The following PKHD1 variants were observed in gnomAD, a reference collection of about 807,000 sequenced individuals.
PKHD1 encodes PKHD1 ciliary IPT domain containing fibrocystin/polyductin.
In PKHD1, 291 loss-of-function variants were observed where a neutral mutation model predicts 412.0. The observed-to-expected ratio is 0.71, with a 90% confidence interval of 0.64 to 0.78. The LOEUF (loss-of-function observed/expected upper bound fraction) is 0.78. Ranked by LOEUF, PKHD1 falls within the 30% of genes least tolerant of loss-of-function variation. PKHD1 has a pLI of 0.00. For synonymous variants in PKHD1, 1,777 were observed against 1,821.5 expected (o/e 0.98, Z 0.62); for missense variants, 4,825 against 4,950.7 (o/e 0.97, Z 0.76).
intron 66 of PKHD1, among the ~76,000 whole-genome samples, chr6:51,623,838 C>A (rs374461508): frequency 6.6e-6 from 1 of 152,260 alleles, no homozygotes; most frequent in East Asian, 1.9e-4. Context: ...CTGTCCACTT[C>A]GGCCTCCCAA....
chr6:51,981,716 T>C (rs1795339683), intron 35 of PKHD1, among the ~76,000 whole-genome samples: 1 of 143,298 alleles, frequency 7.0e-6, no homozygotes, highest in African/African-American at 2.4e-5. Context: ...AGTGCCGAGA[T>C]TGCAGCCTCT....
Position 51,775,884 on chromosome 6 carries a change from A to C in PKHD1, c.8478T>G (p.Leu2826=), listed in dbSNP as rs761219448. 1 of 1,597,144 alleles carries C rather than the reference A, an allele frequency of 6.3e-7. No individual in the cohort carries two copies. Among genetic ancestry groups the C allele is most frequent in the Non-Finnish European group, 8.6e-7 (1 of 1,165,538 alleles). ...LENPLEKEQK[L]LILLRASEGV... ...CCTCTGAGGCTCTAAGGAGAATCAG[A>C]AGCTTTTGTTCCTTTTCTAAGGGAT... is the stretch of plus-strand genomic sequence containing the variant. Residue 2826 remains leucine (L), a synonymous_variant, in exon 54 of 67, where the codon CTT becomes CTG. Transcript: ENST00000371117.
intron 52 of PKHD1, among the ~76,000 whole-genome samples, chr6:51,807,937 G>A (rs2151377574): frequency 6.6e-6 from 1 of 152,128 alleles, no homozygotes; most frequent in Middle Eastern, 3.4e-3. Context: ...GGGAGTTATA[G>A]CCTAAGGGGT....
intron 60 of PKHD1, among the ~76,000 whole-genome samples, chr6:51,699,830 A>G (rs888685558): frequency 6.6e-6 from 1 of 151,846 alleles, no homozygotes; most frequent in Non-Finnish European, 1.5e-5. Flanking sequence ...TCAGAACCAC[A>G]CTCATTAATT....
intron 60 of PKHD1, among the ~76,000 whole-genome samples, chr6:51,708,833 G>A (rs1222237370): frequency 6.6e-6 from 1 of 152,108 alleles, no homozygotes; most frequent in African/African-American, 2.4e-5. Flanking sequence ...GGCTTGTTAT[G>A]AAACAGCCCT....
chr6:52,032,962 A>G lies in PKHD1; in HGVS notation c.3364+68T>C, dbSNP rs534713075. 1.4e-5 allele frequency: 19 copies of G among 1,367,920 alleles called. No individual in the cohort carries two copies. In the African/African-American group the frequency reaches 2.4e-4, roughly 17 times the overall value. 84.7% of individuals were successfully genotyped at this position (1,367,920 alleles called of 1,614,324 possible). A position where few individuals can be genotyped will look rare whatever the true frequency, so the allele number is the denominator to read the frequency against. ...CAAAATACAATAAATTTCAGAGGACATTGATTGCCCTTTTTATAGGACCAA... is the reference window on the plus strand; with the variant it reads ...CAAAATACAATAAATTTCAGAGGACGTTGATTGCCCTTTTTATAGGACCAA... On this transcript the variant is annotated intron_variant, in intron 29 of 66. Coordinates refer to ENST00000371117, the MANE Select transcript of PKHD1 (RefSeq NM_138694.4).
intron 5 of PKHD1, among the ~76,000 whole-genome samples, chr6:52,078,199 T>C (rs1253863846): frequency 6.6e-6 from 1 of 152,112 alleles, no homozygotes; most frequent in Non-Finnish European, 1.5e-5. Context: ...GGGCTTCACT[T>C]GTGATTCTCT....
At chr6:51,758,895 C>G (rs1468420579) in intron 55 of PKHD1, among the ~76,000 whole-genome samples, 1 of 152,156 alleles carries the variant, frequency 6.6e-6, no homozygotes, top group African/African-American at 2.4e-5. Context: ...GTAAGACATT[C>G]ACGTGTAAAC....
At chr6:51,710,437 T>A (rs1200806487) in intron 60 of PKHD1, among the ~76,000 whole-genome samples, 1 of 152,172 alleles carries the variant, frequency 6.6e-6, no homozygotes, top group Non-Finnish European at 1.5e-5. Flanking sequence ...GCATTCCTTT[T>A]TTTAATGACT....
At chr6:51,974,552 G>A (rs561239717) in intron 35 of PKHD1, among the ~76,000 whole-genome samples, 4 of 152,166 alleles carry the variant, frequency 2.6e-5, no homozygotes, top group Non-Finnish European at 5.9e-5. Context: ...AATAAATGAA[G>A]CTTAACCTGG....
intron 29 of PKHD1, among the ~76,000 whole-genome samples, chr6:52,030,109 T>G (rs1356431378): frequency 6.6e-6 from 1 of 152,188 alleles, no homozygotes; most frequent in Non-Finnish European, 1.5e-5. Flanking sequence ...TGAGGACTAC[T>G]GCAGAGCTGG....
At position 52,021,737 on chromosome 6, in the gene PKHD1, CCCT is replaced by C. The variant is rs932694236; in HGVS notation, c.5380+1061_5380+1063del. On this transcript the variant is annotated intron_variant, in intron 33 of 66. Coordinates refer to ENST00000371117, the MANE Select transcript of PKHD1 (RefSeq NM_138694.4). Reference sequence around the variant, plus strand: ...TTTTAACAAAAATTTTTTTCTCCTCCCCTTCTTCTTCCTCTTCCCTCTTCCCCC... The same window carrying C: ...TTTTAACAAAAATTTTTTTCTCCTCCTCTTCTTCCTCTTCCCTCTTCCCCC... 7.2e-5 allele frequency among the ~76,000 whole-genome samples: 11 copies of C among 151,824 alleles called. 1 individual carries two copies. The highest frequency in any genetic ancestry group is 7.2e-4 in the Admixed American group (11 of 15,226).
chr6:51,675,689 T>A (rs1437112574), intron 60 of PKHD1, among the ~76,000 whole-genome samples: 2 of 152,152 alleles, frequency 1.3e-5, no homozygotes, highest in African/African-American at 2.4e-5. Flanking sequence ...TGTGAATAGA[T>A]AAGTGACACA....
chr6:51,635,458 T>C (rs1768405899), intron 64 of PKHD1, among the ~76,000 whole-genome samples: 1 of 152,168 alleles, frequency 6.6e-6, no homozygotes, highest in African/African-American at 2.4e-5. Flanking sequence ...CATAAACAAA[T>C]ATTTATTTGT....
At chr6:52,045,177 G>C in intron 24 of PKHD1, 89 bp from the exon 25 acceptor site, 3 of 1,277,776 alleles carry the variant, frequency 2.3e-6, no homozygotes, top group Non-Finnish European at 3.4e-6. Context: ...TTCACATTGT[G>C]TTTCAGATAA....
chr6:52,040,471 T>G (rs1378808044), intron 27 of PKHD1, among the ~76,000 whole-genome samples: 1 of 152,122 alleles, frequency 6.6e-6, no homozygotes. Context: ...ATCATGTCAC[T>G]TCACTTGAAA....
chr6:51,995,664 T>G (rs1797634211), intron 35 of PKHD1, among the ~76,000 whole-genome samples: 1 of 152,238 alleles, frequency 6.6e-6, no homozygotes, highest in South Asian at 2.1e-4. Flanking sequence ...TCACTGATTT[T>G]CCATAACAAA....
intron 54 of PKHD1, among the ~76,000 whole-genome samples, chr6:51,773,834 T>C (rs1301860617): frequency 1.3e-5 from 2 of 151,196 alleles, no homozygotes; most frequent in Admixed American, 1.3e-4. Context: ...TAACCAACTG[T>C]TTATATCAAC....
At chr6:52,079,594 C>G (rs1004755858) in intron 5 of PKHD1, among the ~76,000 whole-genome samples, 1 of 152,040 alleles carries the variant, frequency 6.6e-6, no homozygotes, top group Non-Finnish European at 1.5e-5. Flanking sequence ...ATGACATGGG[C>G]AAATTATTTA....
Sources: gnomAD v4.1 joint callset for allele counts (sites outside exome capture counted in the v4.1 genomes callset) on GRCh38, gnomAD v4.1.1 for gene constraint, MANE v1.5 for transcripts, NCBI Gene and HGNC (gene_info 2026-07-23, HGNC 2026-07-21) for gene names.